Variants in FRMD4A observed in about 807,000 individuals in gnomAD.
The protein encoded by FRMD4A is FERM domain containing 4A, also known as FERM domain-containing protein 4A.
FRMD4A carries 29 observed loss-of-function variants against 129.1 expected under a neutral mutation model. That is an observed-to-expected ratio of 0.22 (90% CI 0.17 to 0.31). FRMD4A has a LOEUF of 0.31. FRMD4A is among the 10% of genes least tolerant of loss of function. The probability of loss-of-function intolerance (pLI) is 1.00; values close to 1 mark genes in which losing one functional copy is unlikely to be tolerated. For missense variants in FRMD4A, 1,272 were observed against 1,375.8 expected, an observed-to-expected ratio of 0.92 and a Z score of 1.19; for synonymous variants, 634 against 571.6, an observed-to-expected ratio of 1.11 and a Z score of -1.56.
chr10:13,720,238 G>T (rs945803716), intron 12 of FRMD4A, among the ~76,000 whole-genome samples: 1 of 152,106 alleles, frequency 6.6e-6, no homozygotes, highest in Admixed American at 6.5e-5. Flanking sequence ...TAGTAGAGAC[G>T]GGGTTTCACT....
chr10:14,237,445 C>T (rs1843866841), intron 2 of FRMD4A, among the ~76,000 whole-genome samples: 1 of 152,154 alleles, frequency 6.6e-6, no homozygotes, highest in Non-Finnish European at 1.5e-5. Flanking sequence ...ATTCTCCTGC[C>T]TCAGTCTCCT....
chr10:13,692,440 A>T (rs2085799418), intron 15 of FRMD4A: 1 of 152,200 alleles, frequency 6.6e-6, no homozygotes, highest in Non-Finnish European at 1.5e-5. Flanking sequence ...GAGCCACCAC[A>T]CTGGCCTTTA....
rs991923081 is a variant in FRMD4A at position 13,643,715 on chromosome 10, T to A, written c.*3323A>T. 1.3e-5 allele frequency: 2 copies of A among 152,686 alleles called. No individual in the cohort carries two copies. The highest frequency in any genetic ancestry group is 1.3e-4 in the Admixed American group (2 of 15,286). The allele number at this position is 152,686 out of a possible 1,614,324, so 9.5% of individuals were successfully genotyped here. A position where few individuals can be genotyped will look rare whatever the true frequency, so the allele number is the denominator to read the frequency against. ...CAGGAGGCAGCTGGGATCTTTTCAT[T>A]TTGAAAATGCTTTAATAAGTGTTGA... is the stretch of plus-strand genomic sequence containing the variant. On this transcript the variant is annotated 3_prime_UTR_variant, in exon 25 of 25. Transcript: ENST00000357447.
chr10:13,831,741 C>T lies in FRMD4A; in HGVS notation c.112-20833G>A, dbSNP rs563039243. ...ACACGTCCACTGTGCATTTCCCTTC[C>T]CCATGCCAACCTCTTAACAACATCC... On this transcript the variant is annotated intron_variant, in intron 3 of 24. Coordinates refer to ENST00000357447, the MANE Select transcript of FRMD4A (RefSeq NM_018027.5). Among the ~76,000 whole-genome samples, 12 of 152,278 alleles carry T rather than the reference C, an allele frequency of 7.9e-5. No homozygotes were observed. The South Asian group carries it at 2.3e-3, about 29-fold the overall frequency.
chr10:14,248,828 C>A (rs1241443688), intron 2 of FRMD4A, among the ~76,000 whole-genome samples: 1 of 152,204 alleles, frequency 6.6e-6, no homozygotes, highest in South Asian at 2.1e-4. Context: ...CAAACAAGCA[C>A]TGATGGAAGT....
Position 14,161,468 on chromosome 10 carries a change from C to G in FRMD4A, c.45+168590G>C, listed in dbSNP as rs114391952. Among the ~76,000 whole-genome samples, 164 of 152,178 alleles carry G rather than the reference C, an allele frequency of 1.1e-3. 1 individual carries two copies. The highest frequency in any genetic ancestry group is 3.6e-3 in the African/African-American group (150 of 41,524). ...ATAAAGAAAATGTGACATATATACACAATGAAATACTGTTTGGCCATAAAA... is the reference window on the plus strand; with the variant it reads ...ATAAAGAAAATGTGACATATATACAGAATGAAATACTGTTTGGCCATAAAA... On this transcript the variant is annotated intron_variant, in intron 2 of 24. Coordinates refer to ENST00000357447, the MANE Select transcript of FRMD4A (RefSeq NM_018027.5).
At chr10:13,673,406 T>C (rs549804552) in intron 16 of FRMD4A, among the ~76,000 whole-genome samples, 3 of 152,300 alleles carry the variant, frequency 2.0e-5, no homozygotes, top group South Asian at 4.1e-4. Flanking sequence ...GCCTTAGTGT[T>C]TGGGGGAGGG....
intron 2 of FRMD4A, among the ~76,000 whole-genome samples, chr10:14,166,392 ACT>A (rs1451508742): frequency 6.6e-6 from 1 of 151,998 alleles, no homozygotes; most frequent in Non-Finnish European, 1.5e-5. Context: ...TAGCTAGTTT[ACT>A]CTCTCTGTGG....
intron 3 of FRMD4A, among the ~76,000 whole-genome samples, chr10:13,855,858 GA>G (rs1358762616): frequency 6.6e-6 from 1 of 151,516 alleles, no homozygotes; most frequent in Non-Finnish European, 1.5e-5. Context: ...TTGCAGAGGA[GA>G]AAAAAAAGAG....
At chr10:14,115,123 G>A (rs899144399) in intron 2 of FRMD4A, among the ~76,000 whole-genome samples, 3 of 152,174 alleles carry the variant, frequency 2.0e-5, no homozygotes, top group Admixed American at 2.0e-4. Context: ...CCAAATGAGA[G>A]CCTGTCCCCT....
intron 2 of FRMD4A, chr10:13,992,126 T>TATAG (rs2095605516): frequency 6.6e-6 from 1 of 152,172 alleles, no homozygotes; most frequent in Admixed American, 6.5e-5. Context: ...GAAGCGTGCT[T>TATAG]ATAGATGTTT....
At chr10:13,792,709 T>C (rs768690288) in intron 5 of FRMD4A, among the ~76,000 whole-genome samples, 2 of 152,198 alleles carry the variant, frequency 1.3e-5, no homozygotes, top group Non-Finnish European at 2.9e-5. Flanking sequence ...TTTTGGGTAA[T>C]TATTAAGACC....
chr10:14,248,506 T>A (rs897172397), intron 2 of FRMD4A, among the ~76,000 whole-genome samples: 1 of 152,148 alleles, frequency 6.6e-6, no homozygotes, highest in Admixed American at 6.5e-5. Context: ...ATCACCTTCA[T>A]TTCCCTCTGA....
intron 8 of FRMD4A, among the ~76,000 whole-genome samples, chr10:13,751,671 A>C (rs903770606): frequency 2.6e-5 from 4 of 152,224 alleles, no homozygotes; most frequent in African/African-American, 9.6e-5. Context: ...CCAACTTATA[A>C]AACACCTTAA....
At chr10:14,123,356 C>A (rs1390322011) in intron 2 of FRMD4A, among the ~76,000 whole-genome samples, 2 of 152,204 alleles carry the variant, frequency 1.3e-5, no homozygotes, top group African/African-American at 4.8e-5. Flanking sequence ...TTCATGCCAG[C>A]ATCTTTGGGT....
intron 2 of FRMD4A, among the ~76,000 whole-genome samples, chr10:14,315,418 T>C (rs1440635043): frequency 6.6e-6 from 1 of 152,164 alleles, no homozygotes; most frequent in Non-Finnish European, 1.5e-5. Context: ...AACATAAAGA[T>C]CTGAGGTCAT....
intron 2 of FRMD4A, among the ~76,000 whole-genome samples, chr10:14,299,622 C>T (rs1393009416): frequency 1.3e-5 from 2 of 152,194 alleles, no homozygotes; most frequent in Admixed American, 1.3e-4. Context: ...CCTCTCCCCA[C>T]TCTACAGTCC....
At chr10:13,669,686 C>T (rs969420403) in intron 17 of FRMD4A, among the ~76,000 whole-genome samples, 4 of 152,212 alleles carry the variant, frequency 2.6e-5, no homozygotes, top group African/African-American at 9.7e-5. Flanking sequence ...TGGGCAGGAG[C>T]CCTGGGCCTG....
At position 13,645,562 on chromosome 10, in the gene FRMD4A, AT is replaced by A. The variant is rs1276969748; in HGVS notation, c.*1475del. On this transcript the variant is annotated 3_prime_UTR_variant, in exon 25 of 25. Transcript: ENST00000357447. Reference sequence around the variant, plus strand: ...GTAAACGTGCAGCTCCCACACATTAATTTTTTTCTTCTTTCCTCCTCTTTTG... The same window carrying A: ...GTAAACGTGCAGCTCCCACACATTAATTTTTTCTTCTTTCCTCCTCTTTTG... The A allele has an allele frequency of 6.6e-6, 1 of 152,422 alleles. No homozygotes were observed. Among genetic ancestry groups the A allele is most frequent in the Non-Finnish European group, 1.5e-5 (1 of 67,992 alleles). The allele number at this position is 152,422 out of a possible 1,614,324, so 9.4% of individuals were successfully genotyped here. A position where few individuals can be genotyped will look rare whatever the true frequency, so the allele number is the denominator to read the frequency against.
Sources: allele counts gnomAD v4.1 joint callset (sites outside exome capture counted in the v4.1 genomes callset), GRCh38; gene constraint gnomAD v4.1.1; transcripts MANE v1.5; gene names NCBI Gene and HGNC (gene_info 2026-07-23, HGNC 2026-07-21).